The following TBC1D19 variants were observed in gnomAD, a reference collection of about 807,000 sequenced individuals.
TBC1D19 encodes TBC1 domain family, member 19.
Under a neutral mutation model 89.0 loss-of-function variants are expected in TBC1D19, and 60 were observed. That is an observed-to-expected ratio of 0.67 (90% CI 0.55 to 0.84). The LOEUF (loss-of-function observed/expected upper bound fraction) is 0.84. Ranked by LOEUF, TBC1D19 falls within the 40% of genes least tolerant of loss-of-function variation. TBC1D19 has a pLI of 0.00. For missense variants in TBC1D19, 500 were observed against 610.8 expected (o/e 0.82, Z 1.91); for synonymous variants, 189 against 199.7 (o/e 0.95, Z 0.45).
intron 9 of TBC1D19, among the ~76,000 whole-genome samples, chr4:26,667,021 A>G (rs1011181986): frequency 6.6e-6 from 1 of 151,894 alleles, no homozygotes; most frequent in Non-Finnish European, 1.5e-5. Flanking sequence ...ACAAGTCACT[A>G]TGCATCTTTG....
At chr4:26,816,013 C>T in the TBC1D19 span, among the ~76,000 whole-genome samples, 18 of 152,276 alleles carry the variant, frequency 1.2e-4, no homozygotes, top group African/African-American at 3.9e-4. Flanking sequence ...CTCCACAGGC[C>T]TTGTATCAAG....
chr4:26,631,362 C>T (rs260960), intron 4 of TBC1D19, among the ~76,000 whole-genome samples: 57,196 of 151,832 alleles, frequency 0.38, 11,781 homozygotes, highest in Non-Finnish European at 0.47. Flanking sequence ...GTATATCTGT[C>T]TTATCCTCCT....
At chr4:26,797,824 G>A in the TBC1D19 span, among the ~76,000 whole-genome samples, 16 of 152,250 alleles carry the variant, frequency 1.1e-4, no homozygotes, top group Middle Eastern at 3.4e-3. Context: ...AGTGGTGCTG[G>A]GAAAACTAGC....
chr4:26,595,968 T>G (rs2109966128), intron 1 of TBC1D19, among the ~76,000 whole-genome samples: 1 of 152,212 alleles, frequency 6.6e-6, no homozygotes, highest in East Asian at 1.9e-4. Flanking sequence ...TAAAAAAAAT[T>G]TTTTTTGAGA....
chr4:26,790,002 G>A, the TBC1D19 span, among the ~76,000 whole-genome samples: 14 of 152,180 alleles, frequency 9.2e-5, no homozygotes, highest in East Asian at 1.9e-4. Flanking sequence ...GACATACAGC[G>A]TGAAATAGTA....
the TBC1D19 span, among the ~76,000 whole-genome samples, chr4:26,767,820 G>A: frequency 6.6e-6 from 1 of 152,094 alleles, no homozygotes; most frequent in Non-Finnish European, 1.5e-5. Flanking sequence ...TCAAAATCTA[G>A]ACTATACAAA....
the TBC1D19 span, among the ~76,000 whole-genome samples, chr4:26,852,914 C>A: frequency 6.6e-6 from 1 of 152,202 alleles, no homozygotes; most frequent in African/African-American, 2.4e-5. Context: ...CCACTGCACC[C>A]GGCCGGATTC....
At chr4:26,616,504 T>C (rs1741710185) in intron 3 of TBC1D19, among the ~76,000 whole-genome samples, 1 of 152,172 alleles carries the variant, frequency 6.6e-6, no homozygotes, top group South Asian at 2.1e-4. Flanking sequence ...GCATTTTTCA[T>C]TGGCAGCAAC....
At chr4:26,678,546 T>A (rs1182274421) in intron 11 of TBC1D19, among the ~76,000 whole-genome samples, 3 of 150,942 alleles carry the variant, frequency 2.0e-5, no homozygotes, top group Non-Finnish European at 4.4e-5. Flanking sequence ...TTTTTCAACC[T>A]CAGATGACAT....
chr4:26,746,511 T>A (rs1718658096), intron 18 of TBC1D19, among the ~76,000 whole-genome samples: 2 of 152,336 alleles, frequency 1.3e-5, no homozygotes, highest in Non-Finnish European at 2.9e-5. Context: ...GTGTGGTTTT[T>A]CGGTTATTGT....
intron 4 of TBC1D19, among the ~76,000 whole-genome samples, chr4:26,629,145 T>C (rs1472563952): frequency 6.6e-6 from 1 of 152,076 alleles, no homozygotes; most frequent in Non-Finnish European, 1.5e-5. Context: ...CTTATGCCAC[T>C]GCGTCTATTT....
chr4:26,696,012 T>C (rs897228648), intron 13 of TBC1D19, among the ~76,000 whole-genome samples: 1 of 152,152 alleles, frequency 6.6e-6, no homozygotes, highest in South Asian at 2.1e-4. Context: ...ATAACAATAT[T>C]AACCTTAAAT....
At chr4:26,820,584 CTATT>C in the TBC1D19 span, among the ~76,000 whole-genome samples, 1 of 152,294 alleles carries the variant, frequency 6.6e-6, no homozygotes, top group East Asian at 1.9e-4. Context: ...TTTTAAAAAT[CTATT>C]TATCCATTGA....
rs753401569 is a variant in TBC1D19 at position 26,748,423 on chromosome 4, A to G, written c.1332A>G (p.Ser444=). 2.5e-6 allele frequency: 4 copies of G among 1,613,226 alleles called. No homozygotes were observed. The highest frequency in any genetic ancestry group is 3.4e-6 in the Non-Finnish European group (4 of 1,179,480). The change falls in exon 19 of 21, where the codon TCA becomes TCG. Residue 444 remains serine, a synonymous_variant. Coordinates refer to ENST00000264866, the MANE Select transcript of TBC1D19 (RefSeq NM_018317.4). ...REIGAQPLRI[S]FKWMVRAFSG... is the part of the protein sequence containing the mutation. ...TCCTTGCTTATAGACTTCGCATATC[A>G]TTTAAGTGGATGGTTCGAGCTTTCT...
intron 13 of TBC1D19, among the ~76,000 whole-genome samples, chr4:26,703,354 G>A (rs1328583562): frequency 6.6e-6 from 1 of 152,086 alleles, no homozygotes; most frequent in African/African-American, 2.4e-5. Context: ...CAGAAATTGA[G>A]TTCTGTTTTT....
intron 10 of TBC1D19, among the ~76,000 whole-genome samples, chr4:26,673,442 T>TACACACACACACACACACAC (rs1167477111): frequency 8.2e-4 from 12 of 14,694 alleles, no homozygotes; most frequent in African/African-American, 1.2e-3. Flanking sequence ...TATATATATA[T>TACACACACACACACACACAC]ATATACACAC....
At chr4:26,720,185 C>A in intron 15 of TBC1D19, 60 bp downstream of exon 15, 2 of 1,273,128 alleles carry the variant, frequency 1.6e-6, no homozygotes, top group South Asian at 1.4e-5. Context: ...CTTTTATAAT[C>A]AAAATGTGAC....
downstream of TBC1D19, among the ~76,000 whole-genome samples, chr4:26,760,805 A>T (rs1330712187): frequency 1.3e-5 from 2 of 152,186 alleles, no homozygotes; most frequent in East Asian, 3.8e-4. Context: ...CTTAAGTCAA[A>T]GTCACAAATA....
At chr4:26,746,203 G>C (rs892641952) in intron 18 of TBC1D19, among the ~76,000 whole-genome samples, 5 of 146,714 alleles carry the variant, frequency 3.4e-5, no homozygotes, top group African/African-American at 7.5e-5. Context: ...AATAAGGTTT[G>C]TTATTTTCTC....
Sources: gnomAD v4.1 joint callset for allele counts (sites outside exome capture counted in the v4.1 genomes callset) on GRCh38, gnomAD v4.1.1 for gene constraint, MANE v1.5 for transcripts, NCBI Gene and HGNC (gene_info 2026-07-23, HGNC 2026-07-21) for gene names.